The following ASAH1 variants were observed in gnomAD, a reference collection of about 807,000 sequenced individuals.
The protein encoded by ASAH1 is N-acylsphingosine amidohydrolase 1.
ASAH1 carries 70 observed loss-of-function variants against 59.5 expected under a neutral mutation model. The observed-to-expected ratio is 1.18, with a 90% CI of 0.97 to 1.43. ASAH1 has a LOEUF of 1.43. Among genes scored for constraint, ASAH1 ranks in the 40% most tolerant of loss-of-function variants. ASAH1 has a pLI of 0.00. For synonymous variants in ASAH1, 213 were observed against 166.5 expected (o/e 1.28, Z -2.15); for missense variants, 660 against 482.5 (o/e 1.37, Z -3.45).
At chr8:18,071,545 C>A in intron 2 of ASAH1, 155 bp from the exon 3 acceptor site, 1 of 600,370 alleles carries the variant, frequency 1.7e-6, no homozygotes, top group Non-Finnish European at 3.1e-6. Flanking sequence ...TCATTCTCTA[C>A]CTAGTGCTTC....
chr8:18,061,816 G>A (rs1451028873), intron 8 of ASAH1, 76 bp from the exon 9 acceptor site: 2 of 1,349,676 alleles, frequency 1.5e-6, no homozygotes, highest in African/African-American at 1.4e-5. Context: ...CTGTACTTCA[G>A]AGTGGGATAT....
chr8:18,072,437 G>A (rs1385150531), intron 2 of ASAH1, among the ~76,000 whole-genome samples: 1 of 152,104 alleles, frequency 6.6e-6, no homozygotes, highest in African/African-American at 2.4e-5. Context: ...TGTGTAACTT[G>A]GGGCCCTGGT....
intron 2 of ASAH1, 81 bp from the exon 3 acceptor site, chr8:18,071,471 G>T: frequency 1.0e-6 from 1 of 954,464 alleles, no homozygotes; most frequent in Non-Finnish European, 1.6e-6. Flanking sequence ...AAGAATATAT[G>T]AGAGGCAAAG....
intron 5 of ASAH1, chr8:18,065,898 G>GTC (rs1441553116): frequency 6.6e-6 from 1 of 150,908 alleles, no homozygotes; most frequent in East Asian, 1.9e-4. Context: ...GTGTGTGTGT[G>GTC]TGTGTGTGTG....
chr8:18,074,101 C>A (rs1315434007), intron 2 of ASAH1, among the ~76,000 whole-genome samples: 1 of 152,166 alleles, frequency 6.6e-6, no homozygotes, highest in Non-Finnish European at 1.5e-5. Context: ...ATGTAAAGTG[C>A]ACCTAAAAGG....
intron 10 of ASAH1, chr8:18,060,475 C>G (rs1413530445): frequency 1.3e-5 from 2 of 152,240 alleles, no homozygotes; most frequent in East Asian, 3.8e-4. Flanking sequence ...CACTCAACAA[C>G]AGAACAAAGG....
Position 18,061,422 on chromosome 8 carries a change from A to G in ASAH1, c.740T>C (p.Met247Thr). The G allele has an allele frequency of 1.9e-6, 3 of 1,613,248 alleles. No homozygotes were observed. The highest frequency in any genetic ancestry group is 2.5e-6 in the Non-Finnish European group (3 of 1,179,154). Residue 247 changes from methionine (M) to threonine (T), a missense_variant, in exon 10 of 14, where the codon ATG (methionine) becomes ACG (threonine). Met to Thr is a moderately conservative substitution (Grantham distance 81). Coordinates refer to ENST00000637790, the MANE Select transcript of ASAH1 (RefSeq NM_177924.5). Reference sequence around the variant, plus strand: ...TGTTCTAGTGAGGAACCCTATCCACATGACATCTTTCTTTCCCAGAATCCA... The same window carrying G: ...TGTTCTAGTGAGGAACCCTATCCACGTGACATCTTTCTTTCCCAGAATCCA... ...LEWILGKKDV[M>T]WIGFLTRTVL...
chr8:18,063,292 C>G (rs1331472199), intron 6 of ASAH1, 62 bp from the exon 7 acceptor site: 1 of 1,443,796 alleles, frequency 6.9e-7, no homozygotes, highest in Non-Finnish European at 9.7e-7. Context: ...CAAAGCTGGA[C>G]AATTAATTTT....
chr8:18,074,528 T>C (rs34142273), intron 2 of ASAH1, among the ~76,000 whole-genome samples: 16,432 of 152,046 alleles, frequency 0.11, 990 homozygotes, highest in African/African-American at 0.15. Flanking sequence ...CTAGATAGAG[T>C]TGTACTGTTT....
Position 18,064,744 on chromosome 8 carries a change from C to T in ASAH1, c.383-213G>A, listed in dbSNP as rs6980491. The T allele has an allele frequency of 3.1e-3, 1,657 of 534,050 alleles. 17 individuals carry two copies. Among genetic ancestry groups the T allele is most frequent in the African/African-American group, 0.027 (1,428 of 52,810 alleles). 33.1% of individuals were successfully genotyped at this position (534,050 alleles called of 1,614,324 possible). Reference sequence around the variant, plus strand: ...AGTCACCAAGGAGGCAGCCTTCGGGCGAGCTGAACATCTGGGCAGGTTGCA... The same window carrying T: ...AGTCACCAAGGAGGCAGCCTTCGGGTGAGCTGAACATCTGGGCAGGTTGCA... On this transcript the variant is annotated intron_variant, in intron 5 of 13. Transcript: ENST00000637790.
chr8:18,076,605 TA>T, intron 1 of ASAH1: 1 of 152,192 alleles, frequency 6.6e-6, no homozygotes, highest in East Asian at 1.9e-4. Flanking sequence ...ATAATTGTTT[TA>T]AAAAAGTACA....
intron 2 of ASAH1, 56 bp downstream of exon 2, chr8:18,075,485 A>C: frequency 6.5e-7 from 1 of 1,548,940 alleles, no homozygotes; most frequent in Non-Finnish European, 8.9e-7. Flanking sequence ...ATTATTACAT[A>C]CAGAAAAAAC....
At chr8:18,064,888 A>G (rs1401552239) in intron 5 of ASAH1, 2 of 181,928 alleles carry the variant, frequency 1.1e-5, no homozygotes, top group South Asian at 1.4e-4. Flanking sequence ...CTGGACATAT[A>G]TTTTGCCCAG....
At chr8:18,067,084 G>A in intron 5 of ASAH1, 136 bp downstream of exon 5, 7 of 187,112 alleles carry the variant, frequency 3.7e-5, no homozygotes, top group Non-Finnish European at 7.7e-5. Flanking sequence ...TCACTGAGCT[G>A]TATATCTAAG....
upstream of ASAH1, chr8:18,084,721 GGT>G: frequency 6.2e-7 from 1 of 1,613,744 alleles, no homozygotes; most frequent in Non-Finnish European, 8.5e-7. Flanking sequence ...TTGAGGCCTC[GGT>G]GAAAAGCGCG....
At position 18,064,520 on chromosome 8, in the gene ASAH1, AAAT is replaced by A; in HGVS notation, c.391_393del (p.Ile131del). ...AATAATTCATAAAAAATATTGAATG[AAAT>A]AATCTCTCCTATGAGAAAAGAAAAT... On this transcript the variant is annotated inframe_deletion, in exon 6 of 14. Coordinates refer to ENST00000637790, the MANE Select transcript of ASAH1 (RefSeq NM_177924.5). 6.5e-7 allele frequency: 1 copy of A among 1,537,820 alleles called. No individual in the cohort carries two copies. Among genetic ancestry groups the A allele is most frequent in the Non-Finnish European group, 9.0e-7 (1 of 1,116,264 alleles).
chr8:18,063,060 G>C (rs879778142), intron 7 of ASAH1, 125 bp downstream of exon 7: 2 of 825,336 alleles, frequency 2.4e-6, no homozygotes, highest in Non-Finnish European at 4.1e-6. Context: ...AGTAGAGACG[G>C]GGTTTCACCA....
At chr8:18,058,978 G>T in intron 12 of ASAH1, 87 bp from the exon 13 acceptor site, 3 of 1,226,560 alleles carry the variant, frequency 2.4e-6, no homozygotes, top group Non-Finnish European at 3.6e-6. Context: ...CAGAAACCAA[G>T]ACATTCTTTA....
In ASAH1 at chr8:18,059,460, C is replaced by G; in HGVS notation, c.922G>C (p.Asp308His). The G allele has an allele frequency of 2.5e-6, 4 of 1,614,140 alleles. No homozygotes were observed. Among genetic ancestry groups the G allele is most frequent in the Admixed American group, 3.3e-5 (2 of 60,018 alleles). The change falls in exon 12 of 14, where the codon GAT (aspartate) becomes CAT (histidine). Residue 308 changes from aspartate to histidine, a missense_variant. Asp to His is a moderately conservative substitution (Grantham distance 81, BLOSUM62 -1). Coordinates refer to ENST00000637790, the MANE Select transcript of ASAH1 (RefSeq NM_177924.5). ...ACATACCATCTACCCTGCTTAGCAT[C>G]GAGTCTAGATACAAAAGGAGAGATT... The part of the protein sequence containing the change: ...RKESLDVYEL[D>H]AKQGRWYVVQ...
Sources: gnomAD v4.1 joint callset for allele counts (sites outside exome capture counted in the v4.1 genomes callset) on GRCh38, gnomAD v4.1.1 for gene constraint, MANE v1.5 for transcripts, NCBI Gene and HGNC (gene_info 2026-07-23, HGNC 2026-07-21) for gene names.